Variants in RANBP2 observed in about 807,000 individuals in gnomAD.
RANBP2 encodes E3 SUMO-protein ligase RanBP2.
A neutral mutation model predicts 303.6 loss-of-function variants in RANBP2; 57 were observed. The ratio of observed to expected loss-of-function variants is 0.19; its 90% CI spans 0.15 to 0.23. RANBP2 has a LOEUF of 0.23. Ranked by LOEUF, RANBP2 falls within the 10% of genes least tolerant of loss-of-function variation. RANBP2 has a pLI of 1.00. For synonymous variants in RANBP2, 1,167 were observed against 1,301.5 expected, an observed-to-expected ratio of 0.90 and a Z score of 2.23; for missense variants, 3,138 against 3,780.8, an observed-to-expected ratio of 0.83 and a Z score of 4.46.
chr2:109,160,978 G>T, the RANBP2 span, among the ~76,000 whole-genome samples: 3 of 152,174 alleles, frequency 2.0e-5, no homozygotes, highest in Admixed American at 6.5e-5. Context: ...GGCTCAGAGA[G>T]GTGGGGGATC....
In RANBP2 at chr2:108,768,004, G is replaced by A; in HGVS notation, c.7465G>A (p.Ala2489Thr). The change falls in exon 20 of 29, where the codon GCA (alanine) becomes ACA (threonine). Residue 2489 changes from alanine to threonine, a missense_variant. Around this residue, in one of 20 missense-constraint regions of RANBP2, gnomAD observed 497 missense variants for 465.8 expected, o/e 1.07. Transcript: ENST00000283195. ...AGATGTTATTCAGGGTGATGATGTA[G>A]CAGATGCAACTTCAGAAGTTGAAGT... ...RTDVIQGDDV[A>T]DATSEVEVSS... 1 of 1,612,028 alleles carries A rather than the reference G, an allele frequency of 6.2e-7. No homozygotes were observed. The highest frequency in any genetic ancestry group is 8.5e-7 in the Non-Finnish European group (1 of 1,179,870).
At chr2:109,501,894 C>T in the RANBP2 span, 2 of 518,862 alleles carry the variant, frequency 3.9e-6, no homozygotes, top group Non-Finnish European at 3.5e-6. Context: ...CAAGGAAATG[C>T]CCACCCCCTC....
chr2:109,501,537 G>A, the RANBP2 span: 1 of 779,500 alleles, frequency 1.3e-6, no homozygotes, highest in Non-Finnish European at 2.4e-6. Flanking sequence ...ACCCCAGAGT[G>A]AGGCGGAGAT....
the RANBP2 span, among the ~76,000 whole-genome samples, chr2:109,077,379 T>A: frequency 6.6e-6 from 1 of 150,512 alleles, no homozygotes; most frequent in Non-Finnish European, 1.5e-5. Flanking sequence ...ACTTAATGAA[T>A]AAAGTCCACT....
chr2:109,545,204 C>A, the RANBP2 span: 1 of 985,290 alleles, frequency 1.0e-6, no homozygotes, highest in Non-Finnish European at 1.2e-6. Context: ...GCAGAGTCCC[C>A]CAAATGAGCA....
the RANBP2 span, among the ~76,000 whole-genome samples, chr2:109,493,665 T>C: frequency 6.7e-6 from 1 of 149,854 alleles, no homozygotes; most frequent in Non-Finnish European, 1.5e-5. Context: ...ACACATATTA[T>C]ACAAACACAT....
chr2:109,529,563 G>C, the RANBP2 span, among the ~76,000 whole-genome samples: 2 of 152,228 alleles, frequency 1.3e-5, no homozygotes, highest in South Asian at 2.1e-4. Context: ...CCAAGGACAC[G>C]TGGTAACAGC....
the RANBP2 span, among the ~76,000 whole-genome samples, chr2:109,727,329 G>A: frequency 2.0e-5 from 3 of 152,142 alleles, no homozygotes; most frequent in East Asian, 5.8e-4. Context: ...TTGAAGGGAT[G>A]CTCACCACAG....
At chr2:108,934,680 C>T in the RANBP2 span, among the ~76,000 whole-genome samples, 1 of 152,090 alleles carries the variant, frequency 6.6e-6, no homozygotes, top group East Asian at 1.9e-4. Flanking sequence ...TAAGAGAGTG[C>T]AAGCAGGGCC....
the RANBP2 span, among the ~76,000 whole-genome samples, chr2:109,446,763 C>T: frequency 1.8e-5 from 2 of 114,054 alleles, no homozygotes; most frequent in South Asian, 5.7e-4. Context: ...CTGGAACACA[C>T]TCCCTCTCTT....
At chr2:108,845,291 ACT>A in the RANBP2 span, among the ~76,000 whole-genome samples, 1 of 152,046 alleles carries the variant, frequency 6.6e-6, no homozygotes, top group Non-Finnish European at 1.5e-5. Context: ...GTGTCTGACC[ACT>A]CAACCATTTG....
the RANBP2 span, among the ~76,000 whole-genome samples, chr2:109,000,404 G>A: frequency 6.6e-6 from 1 of 152,036 alleles, no homozygotes; most frequent in South Asian, 2.1e-4. Flanking sequence ...GTGTGCACCT[G>A]TAGTCCCAGC....
At chr2:109,648,963 C>G in the RANBP2 span, among the ~76,000 whole-genome samples, 1 of 152,090 alleles carries the variant, frequency 6.6e-6, no homozygotes, top group Non-Finnish European at 1.5e-5. Flanking sequence ...GGAGGATGGA[C>G]TGGTTGCGGG....
chr2:109,376,547 A>G, the RANBP2 span, among the ~76,000 whole-genome samples: 1 of 152,264 alleles, frequency 6.6e-6, no homozygotes, highest in African/African-American at 2.4e-5. Flanking sequence ...GTTCAAAAAA[A>G]TGATGAAAGA....
At chr2:108,997,416 T>G in the RANBP2 span, among the ~76,000 whole-genome samples, 135,921 of 139,358 alleles carry the variant, frequency 0.98, 66,361 homozygotes, top group Middle Eastern at 1. Flanking sequence ...ACTCCAGCCT[T>G]GGAGACAGAG....
chr2:108,739,847 G>A (rs2149156660), intron 6 of RANBP2, among the ~76,000 whole-genome samples: 1 of 152,280 alleles, frequency 6.6e-6, no homozygotes, highest in Non-Finnish European at 1.5e-5. Flanking sequence ...GTTTAGCGGG[G>A]CATGGTGGCA....
At chr2:109,090,015 C>T in the RANBP2 span, among the ~76,000 whole-genome samples, 2 of 152,190 alleles carry the variant, frequency 1.3e-5, no homozygotes, top group South Asian at 4.2e-4. Context: ...AGTTCTATGC[C>T]TTCTCCAAAC....
chr2:108,795,048 TA>T, the RANBP2 span, among the ~76,000 whole-genome samples: 5 of 81,900 alleles, frequency 6.1e-5, no homozygotes, highest in Non-Finnish European at 1.7e-4. Context: ...TTTATTGTTT[TA>T]AGTACTTATA....
the RANBP2 span, among the ~76,000 whole-genome samples, chr2:109,404,972 A>C: frequency 6.6e-6 from 1 of 150,550 alleles, no homozygotes; most frequent in South Asian, 2.1e-4. Context: ...CCCTCCTGCC[A>C]GACCCTCTTT....
Sources: allele counts gnomAD v4.1 joint callset (sites outside exome capture counted in the v4.1 genomes callset), GRCh38; gene constraint gnomAD v4.1.1; regional missense constraint gnomAD v4.1.1; transcripts MANE v1.5; gene names NCBI Gene and HGNC (gene_info 2026-07-23, HGNC 2026-07-21).